The following NEBL variants were observed in gnomAD, a reference collection of about 807,000 sequenced individuals.
NEBL encodes LIM and SH3 protein 2.
In NEBL, 122 loss-of-function variants were observed where a neutral mutation model predicts 140.2. That is an observed-to-expected ratio of 0.87 (90% confidence interval 0.75 to 1.01). The LOEUF is 1.01. Among genes scored for constraint, NEBL ranks in the 50% least tolerant of loss-of-function variants. NEBL has a pLI of 0.00. For synonymous variants in NEBL, 436 were observed against 398.9 expected (o/e 1.09, Z -1.11); for missense variants, 1,365 against 1,231.3 (o/e 1.11, Z -1.62).
chr10:20,854,201 G>A (rs79108668), intron 9 of NEBL, among the ~76,000 whole-genome samples: 2,162 of 152,258 alleles, frequency 0.014, 46 homozygotes, highest in African/African-American at 0.05. Flanking sequence ...CTGCTTATTA[G>A]ACAATGGGGT....
intron 2 of NEBL, among the ~76,000 whole-genome samples, chr10:21,135,121 A>G (rs568426116): frequency 6.6e-6 from 1 of 152,356 alleles, no homozygotes; most frequent in South Asian, 2.1e-4. Flanking sequence ...TGTGTGTAAC[A>G]GGCCCTATTT....
intron 2 of NEBL, among the ~76,000 whole-genome samples, chr10:21,169,255 CA>C (rs869259468): frequency 6.7e-6 from 1 of 150,200 alleles, no homozygotes; most frequent in African/African-American, 2.5e-5. Context: ...TAAAAAGTGA[CA>C]GGGGAAGACG....
chr10:21,135,229 A>C lies in NEBL; in HGVS notation c.164+37154T>G, dbSNP rs912572856. 2.0e-5 allele frequency among the ~76,000 whole-genome samples: 3 copies of C among 152,222 alleles called. No homozygotes were observed. The East Asian group carries it at 5.8e-4, about 29-fold the overall frequency. ...CATTTTCCTCTTCCAAACTGAATAC[A>C]GTAAGAATATAGTACAATCTCTCTA... On this transcript the variant is annotated intron_variant, in intron 2 of 6. Coordinates refer to the NEBL transcript ENST00000417816.
At chr10:20,954,217 G>A (rs1835665910) in intron 4 of NEBL, among the ~76,000 whole-genome samples, 2 of 152,202 alleles carry the variant, frequency 1.3e-5, no homozygotes, top group African/African-American at 4.8e-5. Context: ...GACCTTGAAA[G>A]AGATTAGAAC....
intron 3 of NEBL, among the ~76,000 whole-genome samples, chr10:20,968,504 C>A (rs1204968127): frequency 1.3e-5 from 2 of 152,058 alleles, no homozygotes; most frequent in Non-Finnish European, 2.9e-5. Flanking sequence ...GAGCAAGACC[C>A]CATCTCTAAA....
At chr10:21,179,305 T>C (rs777207885), upstream of NEBL, among the ~76,000 whole-genome samples, 1 of 152,158 alleles carries the variant, frequency 6.6e-6, no homozygotes, top group Admixed American at 6.5e-5. Flanking sequence ...ACTCCATAGA[T>C]AACAACTTGG....
chr10:21,154,930 G>A (rs1321113787), intron 2 of NEBL, among the ~76,000 whole-genome samples: 1 of 152,248 alleles, frequency 6.6e-6, no homozygotes, highest in Non-Finnish European at 1.5e-5. Context: ...GCTGGGCGTA[G>A]TGGCTCACGC....
At chr10:20,861,034 G>T (rs1299192248) in intron 7 of NEBL, among the ~76,000 whole-genome samples, 1 of 151,830 alleles carries the variant, frequency 6.6e-6, no homozygotes, top group African/African-American at 2.4e-5. Context: ...TAATCAGCAA[G>T]AACTCTTTAA....
chr10:20,831,456 T>A lies in NEBL; in HGVS notation c.1560+17A>T. 1 of 1,577,584 alleles carries A rather than the reference T, an allele frequency of 6.3e-7. No homozygotes were observed. The highest frequency in any genetic ancestry group is 8.7e-7 in the Non-Finnish European group (1 of 1,147,966). On this transcript the variant is annotated intron_variant, in intron 15 of 27. Coordinates refer to ENST00000377122, the MANE Select transcript of NEBL (RefSeq NM_006393.3). ...CACGGCATTTATTTTAAACTTTGTATCTTGCTGCTGTCTTACCTGGCTGGC... is the reference window on the plus strand; with the variant it reads ...CACGGCATTTATTTTAAACTTTGTAACTTGCTGCTGTCTTACCTGGCTGGC...
Position 20,823,313 on chromosome 10 carries a change from T to G in NEBL, c.1870-13A>C. The G allele has an allele frequency of 6.4e-7, 1 of 1,567,270 alleles. No homozygotes were observed. Among genetic ancestry groups the G allele is most frequent in the Non-Finnish European group, 8.8e-7 (1 of 1,142,604 alleles). On this transcript the variant is annotated splice_polypyrimidine_tract_variant and intron_variant, in intron 18 of 27. Coordinates refer to ENST00000377122, the MANE Select transcript of NEBL (RefSeq NM_006393.3). The stretch of plus-strand genomic sequence containing the variant: ...CTTTGTATTTCACCTGCATAATTTA[T>G]AAGAATATAACGTTAACTTTATTCT...
intron 4 of NEBL, among the ~76,000 whole-genome samples, chr10:20,917,367 C>A (rs1219231115): frequency 6.6e-6 from 1 of 152,172 alleles, no homozygotes; most frequent in Non-Finnish European, 1.5e-5. Flanking sequence ...GGGCACAAAC[C>A]CATAATGGCA....
At chr10:20,836,325 C>A (rs566087528) in intron 13 of NEBL, among the ~76,000 whole-genome samples, 11 of 152,064 alleles carry the variant, frequency 7.2e-5, no homozygotes, top group African/African-American at 2.2e-4. Flanking sequence ...TGGGTTCAAG[C>A]GATTCTCCAG....
rs545292836 is a variant in NEBL, at chr10:20,913,906, T to G, written c.357+47766A>C. Among the ~76,000 whole-genome samples, 8 of 152,318 alleles carry G rather than the reference T, an allele frequency of 5.3e-5. 1 individual carries two copies. In the South Asian group the frequency reaches 1.7e-3, roughly 32 times the overall value. On this transcript the variant is annotated intron_variant, in intron 4 of 6. Transcript: ENST00000417816. ...AGTTTTCTTTTTCAGGCTGTTAGCC[T>G]TTTTTGTGCTCAATACCAATATACA...
In NEBL at chr10:21,036,373, G is replaced by T. The variant is rs559085239; in HGVS notation, c.165-16172C>A. Among the ~76,000 whole-genome samples the T allele has an allele frequency of 3.2e-4, 48 of 152,142 alleles. No homozygotes were observed. The East Asian group carries it at 9.1e-3, about 29-fold the overall frequency. On this transcript the variant is annotated intron_variant, in intron 2 of 6. Transcript: ENST00000417816. ...GGAGGCTTAGGTGGGAGGGTCATTT[G>T]ATCCTGGGAGGTCGAGCCTGCAGTG... is the stretch of plus-strand genomic sequence containing the variant.
intron 2 of NEBL, among the ~76,000 whole-genome samples, chr10:21,091,767 A>G (rs902244566): frequency 6.6e-6 from 1 of 152,178 alleles, no homozygotes; most frequent in African/African-American, 2.4e-5. Context: ...CTAATACTAC[A>G]GATGCACGCA....
At chr10:21,249,024 T>C (rs2132271074) in intron 2 of NEBL, among the ~76,000 whole-genome samples, 1 of 152,004 alleles carries the variant, frequency 6.6e-6, no homozygotes, top group East Asian at 1.9e-4. Context: ...GTGTTTTTGT[T>C]TTTGTTTTTG....
chr10:21,120,374 CA>C (rs1157067083), intron 2 of NEBL, among the ~76,000 whole-genome samples: 831 of 48,316 alleles, frequency 0.017, 25 homozygotes, highest in African/African-American at 0.047. Context: ...GACTGTGTCT[CA>C]AAAAAAAAAA....
At chr10:21,164,485 C>T (rs1220726949) in intron 2 of NEBL, among the ~76,000 whole-genome samples, 2 of 152,218 alleles carry the variant, frequency 1.3e-5, no homozygotes, top group Non-Finnish European at 2.9e-5. Context: ...GCACACATAT[C>T]TATATCTTGC....
chr10:20,969,544 CTT>C (rs771623257), intron 3 of NEBL, among the ~76,000 whole-genome samples: 26 of 115,740 alleles, frequency 2.2e-4, no homozygotes, highest in African/African-American at 6.0e-4. Context: ...TTTTTCTTTT[CTT>C]TTTTTTTTTT....
Sources: allele counts gnomAD v4.1 joint callset (sites outside exome capture counted in the v4.1 genomes callset), GRCh38; gene constraint gnomAD v4.1.1; transcripts MANE v1.5; gene names NCBI Gene and HGNC (gene_info 2026-07-23, HGNC 2026-07-21).